Variants in WAPL observed in about 807,000 individuals in gnomAD.
WAPL encodes the protein WAPL cohesin release factor, also known as wings apart-like protein homolog.
In WAPL, 5 loss-of-function variants were observed where a neutral mutation model predicts 121.0. The ratio of observed to expected loss-of-function variants is 0.04; its 90% confidence interval spans 0.02 to 0.09. The LOEUF (loss-of-function observed/expected upper bound fraction) is 0.09, where lower values mean the gene tolerates loss of function less well. WAPL is among the 10% of genes least tolerant of loss of function. The pLI, the probability that WAPL is intolerant of heterozygous loss-of-function variation, is 1.00. For synonymous variants in WAPL, 480 were observed against 481.5 expected (o/e 1.00, Z 0.04); for missense variants, 999 against 1,410.8 (o/e 0.71, Z 4.68).
At chr10:86,505,579 G>A (rs528335063) in intron 2 of WAPL, among the ~76,000 whole-genome samples, 11 of 151,916 alleles carry the variant, frequency 7.2e-5, no homozygotes, top group East Asian at 1.9e-4. Flanking sequence ...GAGCCACCGC[G>A]CCCGGTCACA....
chr10:86,487,695 C>G (rs1305128617), intron 4 of WAPL, among the ~76,000 whole-genome samples: 1 of 152,088 alleles, frequency 6.6e-6, no homozygotes, highest in African/African-American at 2.4e-5. Context: ...GCAAGACCAT[C>G]CTGGCTAACA....
intron 1 of WAPL, among the ~76,000 whole-genome samples, chr10:86,518,967 C>CG (rs1465908792): frequency 1.3e-5 from 2 of 152,146 alleles, no homozygotes; most frequent in African/African-American, 4.8e-5. Flanking sequence ...TGCCTTGTCC[C>CG]GATAGTGCTG....
chr10:86,464,512 T>A (rs964789039), intron 9 of WAPL, among the ~76,000 whole-genome samples: 8 of 151,852 alleles, frequency 5.3e-5, no homozygotes, highest in Non-Finnish European at 8.8e-5. Flanking sequence ...ATGAAAAAAA[T>A]CAGTAGACAC....
At chr10:86,506,024 A>G (rs1227322400) in intron 2 of WAPL, among the ~76,000 whole-genome samples, 1 of 152,208 alleles carries the variant, frequency 6.6e-6, no homozygotes, top group African/African-American at 2.4e-5. Context: ...TGGGAGGCCA[A>G]GGTGTGAGGA....
chr10:86,493,153 T>C (rs1842082819), intron 4 of WAPL, among the ~76,000 whole-genome samples: 1 of 151,898 alleles, frequency 6.6e-6, no homozygotes, highest in Non-Finnish European at 1.5e-5. Flanking sequence ...TGATTATGGT[T>C]TGGGAAAAAA....
At chr10:86,476,184 T>C (rs1187862041) in intron 4 of WAPL, among the ~76,000 whole-genome samples, 1 of 149,104 alleles carries the variant, frequency 6.7e-6, no homozygotes, top group African/African-American at 2.5e-5. Flanking sequence ...GTTAACACGG[T>C]GAAACCCCGT....
intron 2 of WAPL, among the ~76,000 whole-genome samples, chr10:86,511,900 G>A (rs1159571401): frequency 6.6e-6 from 1 of 151,982 alleles, no homozygotes; most frequent in African/African-American, 2.4e-5. Context: ...GCCTGGATGA[G>A]AGAGTAAGAC....
At chr10:86,476,635 G>C (rs1243839147) in intron 4 of WAPL, among the ~76,000 whole-genome samples, 1 of 147,364 alleles carries the variant, frequency 6.8e-6, no homozygotes, top group Admixed American at 6.8e-5. Flanking sequence ...GTTGCAGTGA[G>C]CCGAGATTGC....
At chr10:86,455,086 G>A (rs1327856188) in intron 12 of WAPL, among the ~76,000 whole-genome samples, 6 of 145,328 alleles carry the variant, frequency 4.1e-5, no homozygotes, top group Admixed American at 3.4e-4. Flanking sequence ...CCCCCGCCCG[G>A]CAGCCGCCCC....
At chr10:86,492,247 T>C (rs535908434) in intron 4 of WAPL, among the ~76,000 whole-genome samples, 4 of 152,234 alleles carry the variant, frequency 2.6e-5, no homozygotes, top group African/African-American at 7.2e-5. Flanking sequence ...GAAGGAGAGA[T>C]GAAGGTTCCT....
In WAPL at chr10:86,435,561, T is replaced by C. The variant is rs1206002702; in HGVS notation, c.*1982A>G. On this transcript the variant is annotated 3_prime_UTR_variant, in exon 19 of 19. Transcript: ENST00000298767. The stretch of plus-strand genomic sequence containing the variant: ...TCTCTGAGGGTTAAAAACACACAAA[T>C]GCACTGCAGTTGGTGAAGTGATTAT... 1 of 152,582 alleles carries C rather than the reference T, an allele frequency of 6.6e-6. No homozygotes were observed. The highest frequency in any genetic ancestry group is 2.4e-5 in the African/African-American group (1 of 41,426). The allele number at this position is 152,582 out of a possible 1,614,324, so 9.5% of individuals were successfully genotyped here.
chr10:86,514,046 A>T (rs1399006136), intron 2 of WAPL, among the ~76,000 whole-genome samples: 1 of 152,228 alleles, frequency 6.6e-6, no homozygotes, highest in East Asian at 1.9e-4. Flanking sequence ...AAAGGTTAGG[A>T]ACCACTTGAG....
chr10:86,509,372 T>C (rs1226258383), intron 2 of WAPL, among the ~76,000 whole-genome samples: 1 of 152,134 alleles, frequency 6.6e-6, no homozygotes, highest in African/African-American at 2.4e-5. Context: ...TCATCACTCA[T>C]GTCACCAAAC....
At position 86,458,755 on chromosome 10, in the gene WAPL, AT is replaced by A. The variant is rs1437156869; in HGVS notation, c.2657+233del. Among the ~76,000 whole-genome samples the A allele has an allele frequency of 5.3e-5, 8 of 152,270 alleles. No homozygotes were observed. In the East Asian group the frequency reaches 1.5e-3, roughly 29 times the overall value. ...TATTATCCCCCTTGTAAAGAGCTTG[AT>A]TTGTACATTACAAAAGTTATACAGC... On this transcript the variant is annotated intron_variant, in intron 12 of 18. Transcript: ENST00000298767.
chr10:86,482,338 T>C (rs1273404536), intron 4 of WAPL, among the ~76,000 whole-genome samples: 1 of 152,234 alleles, frequency 6.6e-6, no homozygotes, highest in Non-Finnish European at 1.5e-5. Flanking sequence ...ATCACTTATG[T>C]ACACAGGCAT....
chr10:86,451,525 T>C (rs1309666611), intron 15 of WAPL, among the ~76,000 whole-genome samples: 1 of 152,006 alleles, frequency 6.6e-6, no homozygotes, highest in East Asian at 1.9e-4. Flanking sequence ...CCTGAGTAGC[T>C]GGGATTACAG....
At chr10:86,452,529 T>G (rs1841008412) in intron 14 of WAPL, among the ~76,000 whole-genome samples, 1 of 151,364 alleles carries the variant, frequency 6.6e-6, no homozygotes, top group Non-Finnish European at 1.5e-5. Context: ...GAGATGGAGG[T>G]TGCAGTGAGC....
intron 16 of WAPL, 97 bp downstream of exon 16, chr10:86,446,145 C>T: frequency 1.5e-6 from 2 of 1,350,212 alleles, no homozygotes; most frequent in South Asian, 2.6e-5. Context: ...CAAGCAATAG[C>T]CAGATTAAGA....
intron 9 of WAPL, among the ~76,000 whole-genome samples, chr10:86,461,547 A>G (rs1841275532): frequency 6.6e-6 from 1 of 152,226 alleles, no homozygotes; most frequent in Non-Finnish European, 1.5e-5. Flanking sequence ...TTATTTCTAC[A>G]GTATACAGGT....
Sources: gnomAD v4.1 joint callset for allele counts (sites outside exome capture counted in the v4.1 genomes callset) on GRCh38, gnomAD v4.1.1 for gene constraint, MANE v1.5 for transcripts, NCBI Gene and HGNC (gene_info 2026-07-23, HGNC 2026-07-21) for gene names.